MAP3K8: variants seen among roughly 807,000 people sequenced by gnomAD.
MAP3K8 encodes Ewing sarcoma transformant.
MAP3K8 carries 22 observed loss-of-function variants against 45.8 expected under a neutral mutation model. That is an observed-to-expected ratio of 0.48 (90% confidence interval 0.34 to 0.69). The LOEUF is 0.69. Among genes scored for constraint, MAP3K8 ranks in the 30% least tolerant of loss-of-function variants. The pLI is 0.01. For synonymous variants in MAP3K8, 223 were observed against 214.3 expected (o/e 1.04, Z -0.36); for missense variants, 419 against 585.0 (o/e 0.72, Z 2.93).
rs1194945390 is a variant in MAP3K8 at position 30,460,709 on chromosome 10, C to A, written c.1277C>A (p.Ser426Tyr). The A allele has an allele frequency of 1.2e-6, 2 of 1,603,320 alleles. No individual in the cohort carries two copies. The highest frequency in any genetic ancestry group is 2.7e-5 in the African/African-American group (2 of 74,358). ...TTTGTAATGTTTTCCTTTTCAGATT[C>A]TTCGTGCACAGGAAGCACCGAGGAA... ...ELELPENIAD[S>Y]SCTGSTEESE... is the part of the protein sequence containing the mutation. The change falls in exon 9 of 9, where the codon TCT becomes TAT. Residue 426 changes from serine to tyrosine, a missense_variant. Transcript: ENST00000263056.
chr10:30,441,102 A>AT (rs1836088870), intron 3 of MAP3K8, among the ~76,000 whole-genome samples: 1 of 152,136 alleles, frequency 6.6e-6, no homozygotes, highest in South Asian at 2.1e-4. Flanking sequence ...AAATGTTGTC[A>AT]TTACCTGCTG....
chr10:30,456,066 G>C (rs1461755982), intron 6 of MAP3K8, among the ~76,000 whole-genome samples: 1 of 152,180 alleles, frequency 6.6e-6, no homozygotes, highest in Non-Finnish European at 1.5e-5. Flanking sequence ...ACCCCTGTGG[G>C]CTACACCAGC....
At chr10:30,458,987 G>A (rs758509008) in intron 7 of MAP3K8, among the ~76,000 whole-genome samples, 4 of 152,154 alleles carry the variant, frequency 2.6e-5, no homozygotes, top group Admixed American at 6.6e-5. Context: ...TGAGGTGAGA[G>A]GATCACTTGA....
Position 30,460,776 on chromosome 10 carries a change from C to T in MAP3K8, c.1344C>T (p.Leu448=), listed in dbSNP as rs8177034. 2,867 of 1,613,994 alleles carry T rather than the reference C, an allele frequency of 1.8e-3. 48 individuals are homozygous for T. The African/African-American group carries it at 0.034, about 19-fold the overall frequency. ...GGCAACGCTCTCTCTACATCGACCT[C>T]GGCGCTCTGGCTGGCTACTTCAATC... is the stretch of plus-strand genomic sequence containing the variant. The part of the protein sequence containing the change: ...LKRQRSLYID[L]GALAGYFNLV... Residue 448 remains leucine (L), a synonymous_variant, in exon 9 of 9, where the codon CTC becomes CTT. Coordinates refer to ENST00000263056, the MANE Select transcript of MAP3K8 (RefSeq NM_005204.4).
chr10:30,438,887 A>G (rs964024255), intron 2 of MAP3K8, 29 bp from the exon 3 acceptor site: 1 of 1,232,660 alleles, frequency 8.1e-7, no homozygotes, highest in Admixed American at 2.4e-5. Context: ...CAAATATCGT[A>G]AACTAAATAT....
chr10:30,459,525 G>A (rs367715766), intron 8 of MAP3K8, 24 bp downstream of exon 8: 24 of 1,610,814 alleles, frequency 1.5e-5, no homozygotes, highest in Non-Finnish European at 1.8e-5. Context: ...GCTGTGTGCC[G>A]CACACTTACT....
intron 6 of MAP3K8, among the ~76,000 whole-genome samples, chr10:30,457,535 G>C (rs1836778706): frequency 6.6e-6 from 1 of 152,184 alleles, no homozygotes; most frequent in Admixed American, 6.5e-5. Context: ...TGAAAACTTA[G>C]CTACACCTGA....
chr10:30,458,573 A>AT (rs1433268704), intron 7 of MAP3K8, among the ~76,000 whole-genome samples: 1 of 152,216 alleles, frequency 6.6e-6, no homozygotes, highest in Non-Finnish European at 1.5e-5. Flanking sequence ...CAGTTAAAAC[A>AT]TTTTTTATTA....
Position 30,458,157 on chromosome 10 carries a change from C to T in MAP3K8, c.947C>T (p.Thr316Met), listed in dbSNP as rs546658132. ...GCAGACATCTACAGCCTGGGGGCCA[C>T]GCTCATCCACATGCAGACGGGCACC... ...TKADIYSLGA[T>M]LIHMQTGTPP... Residue 316 changes from threonine (T) to methionine (M), a missense_variant, in exon 7 of 9, where the codon ACG (threonine) becomes ATG (methionine). Around this residue, in one of 3 missense-constraint regions of MAP3K8, gnomAD observed 209 missense variants for 367.3 expected, o/e 0.57. Coordinates refer to ENST00000263056, the MANE Select transcript of MAP3K8 (RefSeq NM_005204.4). 15 of 1,594,748 alleles carry T rather than the reference C, an allele frequency of 9.4e-6. No individual in the cohort carries two copies. Among genetic ancestry groups the T allele is most frequent in the South Asian group, 3.4e-5 (3 of 87,784 alleles).
intron 2 of MAP3K8, chr10:30,438,694 C>G: frequency 2.6e-6 from 1 of 391,292 alleles, no homozygotes; most frequent in African/African-American, 2.0e-5. Context: ...CTCTCTGGAT[C>G]TCAGGTTTCC....
At chr10:30,435,421 A>G (rs931424554) in intron 1 of MAP3K8, among the ~76,000 whole-genome samples, 2 of 152,232 alleles carry the variant, frequency 1.3e-5, no homozygotes, top group African/African-American at 2.4e-5. Flanking sequence ...GTTTTGAAGC[A>G]GAGTGTCGGT....
intron 3 of MAP3K8, among the ~76,000 whole-genome samples, chr10:30,445,248 T>G (rs1836277723): frequency 6.6e-6 from 1 of 151,934 alleles, no homozygotes; most frequent in South Asian, 2.1e-4. Flanking sequence ...AATACAAAAA[T>G]TAGCTGGGTG....
intron 2 of MAP3K8, among the ~76,000 whole-genome samples, chr10:30,438,565 A>T (rs1835987361): frequency 6.6e-6 from 1 of 152,196 alleles, no homozygotes; most frequent in South Asian, 2.1e-4. Flanking sequence ...AGCCCTAAAG[A>T]GCCGGTAGCC....
intron 3 of MAP3K8, among the ~76,000 whole-genome samples, chr10:30,443,180 T>C (rs572951785): frequency 1.3e-5 from 2 of 151,324 alleles, no homozygotes; most frequent in South Asian, 4.1e-4. Flanking sequence ...AGTTCAGCTC[T>C]GAAATGGATT....
chr10:30,444,049 G>T (rs981655097), intron 3 of MAP3K8, among the ~76,000 whole-genome samples: 2 of 151,884 alleles, frequency 1.3e-5, no homozygotes, highest in African/African-American at 2.4e-5. Context: ...AGTCAGCCAG[G>T]TGAGGTGGCA....
At chr10:30,459,701 C>T (rs773701094) in intron 8 of MAP3K8, among the ~76,000 whole-genome samples, 200 bp downstream of exon 8, 10 of 151,984 alleles carry the variant, frequency 6.6e-5, no homozygotes, top group Non-Finnish European at 1.5e-4. Context: ...CAAATTATAA[C>T]AGATTTTCAG....
rs532600999 is a variant in MAP3K8 at position 30,436,159 on chromosome 10, C to T, written c.-254-1017C>T. Among the ~76,000 whole-genome samples, 373 of 152,280 alleles carry T rather than the reference C, an allele frequency of 2.4e-3. 1 individual carries two copies. Among genetic ancestry groups the T allele is most frequent in the African/African-American group, 8.4e-3 (351 of 41,550 alleles). ...ATTTTATGAGGACTTTTATTGTAAA[C>T]TGTGTCAAGGGAAAAATCATCTTAT... On this transcript the variant is annotated intron_variant, in intron 1 of 8. Transcript: ENST00000263056.
chr10:30,459,444 T>C lies in MAP3K8; in HGVS notation c.1216T>C (p.Leu406=). The C allele has an allele frequency of 6.2e-7, 1 of 1,614,076 alleles. No individual in the cohort carries two copies. Among genetic ancestry groups the C allele is most frequent in the Non-Finnish European group, 8.5e-7 (1 of 1,180,008 alleles). The change falls in exon 8 of 9, where the codon TTG becomes CTG. Residue 406 remains leucine (L), a synonymous_variant. Coordinates refer to ENST00000263056, the MANE Select transcript of MAP3K8 (RefSeq NM_005204.4). ...PRCQSLDSAL[L]ERKRLLSRKE... is the part of the protein sequence containing the mutation. ...CTGTCAGAGTCTGGACTCTGCCCTC[T>C]TGGAGCGCAAGAGGCTGCTGAGTAG...
intron 8 of MAP3K8, 145 bp downstream of exon 8, chr10:30,459,646 AT>A: frequency 1.1e-6 from 1 of 930,820 alleles, no homozygotes; most frequent in Non-Finnish European, 1.6e-6. Flanking sequence ...TTTCAGCAAG[AT>A]TAGCAGAAGC....
Sources: allele counts gnomAD v4.1 joint callset (sites outside exome capture counted in the v4.1 genomes callset), GRCh38; gene constraint gnomAD v4.1.1; regional missense constraint gnomAD v4.1.1; transcripts MANE v1.5; gene names NCBI Gene and HGNC (gene_info 2026-07-23, HGNC 2026-07-21).